The following SLC38A5 variants were observed in gnomAD, a reference collection of about 807,000 sequenced individuals.
The protein encoded by SLC38A5 is solute carrier family 38 member 5, also known as sodium-coupled neutral amino acid transporter 5.
A neutral mutation model predicts 34.6 loss-of-function variants in SLC38A5; 9 were observed. The observed-to-expected ratio is 0.26, with a 90% CI of 0.16 to 0.45. The LOEUF is 0.45. Ranked by LOEUF, SLC38A5 falls within the 20% of genes least tolerant of loss-of-function variation. The pLI is 1.00. For missense variants in SLC38A5, 253 were observed against 394.7 expected (o/e 0.64, Z 3.04); for synonymous variants, 157 against 155.6 (o/e 1.01, Z -0.07).
At position 48,466,451 on chromosome X, in the gene SLC38A5, G is replaced by A. The variant is rs782496750; in HGVS notation, c.320-129C>T. On this transcript the variant is annotated intron_variant, in intron 6 of 16. Coordinates refer to ENST00000620913, the MANE Select transcript of SLC38A5 (RefSeq NM_033518.4). ...CTTTGACTGATGGAGGATGAAGGTGGGGGTTAAGCAGTTGGGCTTGAGTTT... is the reference window on the plus strand; with the variant it reads ...CTTTGACTGATGGAGGATGAAGGTGAGGGTTAAGCAGTTGGGCTTGAGTTT... 13 of 642,595 alleles carry A rather than the reference G, an allele frequency of 2.0e-5. No homozygotes were observed. In the African/African-American group the frequency reaches 2.5e-4, roughly 12 times the overall value. 53.0% of individuals were successfully genotyped at this position (642,595 alleles called of 1,213,427 possible). A position where few individuals can be genotyped will look rare whatever the true frequency, so the allele number is the denominator to read the frequency against.
At chrX:48,463,909 A>AAGAAAGAG (rs1556962634) in intron 8 of SLC38A5, among the ~76,000 whole-genome samples, 3 of 100,519 alleles carry the variant, frequency 3.0e-5, no homozygotes, top group Admixed American at 1.1e-4. Context: ...GAAAGAAAGA[A>AAGAAAGAG]AGAGAAAGAA....
intron 8 of SLC38A5, among the ~76,000 whole-genome samples, chrX:48,463,763 C>G (rs1464707159): frequency 3.0e-5 from 1 of 33,843 alleles, no homozygotes; most frequent in African/African-American, 1.2e-4. Flanking sequence ...GGTGACAGAT[C>G]AAGACACTCA....
Position 48,466,794 on chromosome X carries a change from C to G in SLC38A5, c.319+5G>C. On this transcript the variant is annotated splice_donor_5th_base_variant and intron_variant, in intron 6 of 16. Coordinates refer to ENST00000620913, the MANE Select transcript of SLC38A5 (RefSeq NM_033518.4). ...GGGGACTGGGATCCAGGCTCTGGGT[C>G]TCACCTGCAATACCAGCACAGGTCA... The G allele has an allele frequency of 8.4e-7, 1 of 1,194,773 alleles. No homozygotes were observed. The highest frequency in any genetic ancestry group is 1.1e-6 in the Non-Finnish European group (1 of 886,999).
chrX:48,467,620 GGGA>G (rs1451069498), intron 4 of SLC38A5, 87 bp downstream of exon 4: 30 of 922,028 alleles, frequency 3.3e-5, no homozygotes, highest in South Asian at 1.1e-4. Context: ...GGGAACAGCA[GGGA>G]GGAGGAGGAG....
chrX:48,461,064 C>T lies in SLC38A5; in HGVS notation c.874G>A (p.Ala292Thr). 1 of 1,208,933 alleles carries T rather than the reference C, an allele frequency of 8.3e-7. No individual in the cohort carries two copies. The highest frequency in any genetic ancestry group is 3.0e-5 in the East Asian group (1 of 33,742). The change falls in exon 13 of 17, where the codon GCC becomes ACC. Residue 292 changes from alanine to threonine, a missense_variant. Physicochemically the swap from Ala to Thr is moderately conservative, Grantham distance 58. Coordinates refer to ENST00000620913, the MANE Select transcript of SLC38A5 (RefSeq NM_033518.4). Reference sequence around the variant, plus strand: ...GCCCCAATGGACACGTTGGCCACGGCCTGCATCCTGCGCTTGGAGGGCCTG... The same window carrying T: ...GCCCCAATGGACACGTTGGCCACGGTCTGCATCCTGCGCTTGGAGGGCCTG... ...LCRPSKRRMQ[A>T]VANVSIGAMF...
rs200111614 is a variant in SLC38A5, at chrX:48,460,682, C to T, written c.1035G>A (p.Ala345=). 8.3e-6 allele frequency: 10 copies of T among 1,210,447 alleles called. No homozygotes were observed. The highest frequency in any genetic ancestry group is 2.2e-5 in the Admixed American group (1 of 45,802). Residue 345 remains alanine (A), a synonymous_variant, in exon 14 of 17, where the codon GCG becomes GCA. Coordinates refer to ENST00000620913, the MANE Select transcript of SLC38A5 (RefSeq NM_033518.4). ...GCACGACTGGCACAGTGAGGGTCAC[C>T]GCGAGCAGCACGGCCAGGCGCACAC... is the stretch of plus-strand genomic sequence containing the variant. ...ILCVRLAVLL[A]VTLTVPVVLF...
chrX:48,468,860 T>C lies in SLC38A5; in HGVS notation c.-2+475A>G, dbSNP rs1401912472. ...GGAAGAGCTATTTCTGAGACCTTCA[T>C]CAAAGACCCCCTCCCGTGGCCTACC... is the stretch of plus-strand genomic sequence containing the variant. On this transcript the variant is annotated intron_variant, in intron 2 of 16. Coordinates refer to ENST00000620913, the MANE Select transcript of SLC38A5 (RefSeq NM_033518.4). 15 of 750,602 alleles carry C rather than the reference T, an allele frequency of 2.0e-5. No homozygotes were observed. In the African/African-American group the frequency reaches 2.1e-4, roughly 11 times the overall value. The allele number at this position is 750,602 out of a possible 1,213,427, so 61.9% of individuals were successfully genotyped here.
At chrX:48,459,261 C>A in intron 16 of SLC38A5, 1 of 452,340 alleles carries the variant, frequency 2.2e-6, no homozygotes, top group Non-Finnish European at 3.8e-6. Context: ...CAAAGTGCTT[C>A]CAGCTCTCTT....
At chrX:48,459,947 T>G (rs184895326) in intron 14 of SLC38A5, 71 bp from the exon 15 acceptor site, 2 of 1,134,350 alleles carry the variant, frequency 1.8e-6, no homozygotes, top group East Asian at 6.1e-5. Context: ...ATCATCTGTC[T>G]TTAGCTCCAC....
In SLC38A5 at chrX:48,466,179, C is replaced by T. The variant is rs373042730; in HGVS notation, c.412+51G>A. 6.9e-6 allele frequency: 8 copies of T among 1,158,832 alleles called. No homozygotes were observed. The African/African-American group carries it at 1.3e-4, about 18-fold the overall frequency. ...CCCAGCCCAGCCTGGGGAAGCCCAC[C>T]TCACTCCGCCCTCTCCCCCCAAGCT... is the stretch of plus-strand genomic sequence containing the variant. On this transcript the variant is annotated intron_variant, in intron 7 of 16. Transcript: ENST00000620913.
At chrX:48,460,553 A>G in intron 14 of SLC38A5, 96 bp downstream of exon 14, 9 of 856,649 alleles carry the variant, frequency 1.1e-5, no homozygotes, top group Non-Finnish European at 1.5e-5. Context: ...TCCTTCATCC[A>G]TCCATCCACT....
At position 48,462,976 on chromosome X, in the gene SLC38A5, A is replaced by G; in HGVS notation, c.496T>C (p.Trp166Arg). Residue 166 changes from tryptophan (W) to arginine (R), a missense_variant, in exon 9 of 17, where the codon TGG (tryptophan) becomes CGG (arginine). Around this residue, in one of 3 missense-constraint regions of SLC38A5, gnomAD observed 176 missense variants for 273.0 expected, o/e 0.64. Transcript: ENST00000620913. Reference sequence around the variant, plus strand: ...ATGAGGAGGTTTCCCTTCAAGAACCAGTCCCTAGAGAGACAGGAAGACACA... The same window carrying G: ...ATGAGGAGGTTTCCCTTCAAGAACCGGTCCCTAGAGAGACAGGAAGACACA... ...TFLYMDPEGD[W>R]FLKGNLLIII... The G allele has an allele frequency of 8.3e-7, 1 of 1,198,963 alleles. No homozygotes were observed. Among genetic ancestry groups the G allele is most frequent in the Non-Finnish European group, 1.1e-6 (1 of 887,015 alleles).
chrX:48,462,320 A>T, intron 9 of SLC38A5, 29 bp from the exon 10 acceptor site: 1 of 1,195,241 alleles, frequency 8.4e-7, no homozygotes, highest in African/African-American at 1.7e-5. Context: ...AGAGTCTCAG[A>T]AATCAGCCAG....
intron 8 of SLC38A5, among the ~76,000 whole-genome samples, chrX:48,463,734 G>A (rs781820576): frequency 2.1e-5 from 2 of 95,739 alleles, no homozygotes; most frequent in South Asian, 5.2e-4. Context: ...CCAAGATCGC[G>A]CCATTGCACT....
At chrX:48,464,726 C>G (rs1336473930) in intron 8 of SLC38A5, among the ~76,000 whole-genome samples, 1 of 111,920 alleles carries the variant, frequency 8.9e-6, no homozygotes, top group African/African-American at 3.3e-5. Context: ...GATGGCGCCA[C>G]TGCACTCCAG....
chrX:48,460,790 G>A (rs781894215), intron 13 of SLC38A5, 26 bp from the exon 14 acceptor site: 1 of 1,184,380 alleles, frequency 8.4e-7, no homozygotes, highest in African/African-American at 1.8e-5. Flanking sequence ...GAGGGTACGG[G>A]ATGCAGGATG....
intron 8 of SLC38A5, among the ~76,000 whole-genome samples, chrX:48,463,853 G>GAGAGAGAA (rs1556962547): frequency 9.1e-5 from 7 of 76,997 alleles, no homozygotes; most frequent in Middle Eastern, 6.0e-3. Flanking sequence ...AAGAAAGAGA[G>GAGAGAGAA]AGAAAGAAAG....
chrX:48,461,845 C>G (rs58110933), intron 11 of SLC38A5, 48 bp from the exon 12 acceptor site: 1 of 1,164,186 alleles, frequency 8.6e-7, no homozygotes, highest in African/African-American at 1.8e-5. Context: ...AGGGGTCCAT[C>G]CCCTTCTTCC....
intron 14 of SLC38A5, 126 bp downstream of exon 14, chrX:48,460,523 C>A: frequency 1.5e-6 from 1 of 653,708 alleles, no homozygotes; most frequent in Non-Finnish European, 2.3e-6. Context: ...GCTGCCCTTT[C>A]CTGTCTGTCC....
Sources: allele counts gnomAD v4.1 joint callset (sites outside exome capture counted in the v4.1 genomes callset), GRCh38; gene constraint gnomAD v4.1.1; regional missense constraint gnomAD v4.1.1; transcripts MANE v1.5; gene names NCBI Gene and HGNC (gene_info 2026-07-23, HGNC 2026-07-21).